Variants in ZNF804A observed in about 807,000 individuals in gnomAD.
ZNF804A encodes the protein zinc finger protein 804A.
A neutral mutation model predicts 16.5 loss-of-function variants in ZNF804A; 2 were observed. That is an observed-to-expected ratio of 0.12 (90% confidence interval 0.05 to 0.38). The LOEUF (loss-of-function observed/expected upper bound fraction) is 0.38. Ranked by LOEUF, ZNF804A falls within the 10% of genes least tolerant of loss-of-function variation. ZNF804A has a pLI of 0.99. For missense variants in ZNF804A, 1,473 were observed against 1,390.7 expected, an observed-to-expected ratio of 1.06 and a Z score of -0.94; for synonymous variants, 534 against 489.6, an observed-to-expected ratio of 1.09 and a Z score of -1.20.
chr2:184,938,770 T>G lies in ZNF804A; in HGVS notation c.3374T>G (p.Leu1125Arg). Reference protein sequence around the residue: ...AAAAAGTFKVLQPHQQFLSQI... With the variant: ...AAAAAGTFKVRQPHQQFLSQI... ...GCAGCTGCAGGAACCTTTAAAGTGC[T>G]TCAGCCACACCAACAGTTTCTTTCC... Residue 1125 changes from leucine (L) to arginine (R), a missense_variant, in exon 4 of 4, where the codon CTT becomes CGT. Physicochemically the swap from Leu to Arg is moderately radical, Grantham distance 102 (BLOSUM62 -2). Transcript: ENST00000302277. 1 of 1,613,540 alleles carries G rather than the reference T, an allele frequency of 6.2e-7. No individual in the cohort carries two copies. Among genetic ancestry groups the G allele is most frequent in the Non-Finnish European group, 8.5e-7 (1 of 1,179,808 alleles).
At chr2:184,757,953 G>T (rs948085254) in intron 1 of ZNF804A, among the ~76,000 whole-genome samples, 1 of 152,004 alleles carries the variant, frequency 6.6e-6, no homozygotes, top group Non-Finnish European at 1.5e-5. Context: ...ACCATTTGAA[G>T]ATTTCCCTTA....
At chr2:184,672,312 A>T (rs1427997366) in intron 1 of ZNF804A, among the ~76,000 whole-genome samples, 1 of 152,240 alleles carries the variant, frequency 6.6e-6, no homozygotes, top group Admixed American at 6.5e-5. Context: ...TTGGACCATG[A>T]GTCCAGAATC....
At chr2:184,801,169 A>G (rs112680769) in intron 1 of ZNF804A, among the ~76,000 whole-genome samples, 1 of 152,122 alleles carries the variant, frequency 6.6e-6, no homozygotes, top group Admixed American at 6.6e-5. Context: ...TTCTGTTGAC[A>G]ATTGTCTACA....
intron 2 of ZNF804A, among the ~76,000 whole-genome samples, chr2:184,889,221 A>T (rs565800968): frequency 1.6e-4 from 25 of 151,724 alleles, no homozygotes; most frequent in African/African-American, 6.0e-4. Context: ...AAATTTTGGG[A>T]TACTGATACT....
chr2:184,708,877 T>G (rs886106271), intron 1 of ZNF804A, among the ~76,000 whole-genome samples: 3 of 152,080 alleles, frequency 2.0e-5, no homozygotes, highest in Middle Eastern at 3.2e-3. Context: ...ACATTCAAAC[T>G]CCTTATCTTA....
intron 2 of ZNF804A, among the ~76,000 whole-genome samples, chr2:184,875,899 A>C (rs1388564859): frequency 2.6e-5 from 4 of 152,080 alleles, no homozygotes; most frequent in Non-Finnish European, 5.9e-5. Flanking sequence ...TGGGCAATTC[A>C]AAGTTATTTT....
intron 1 of ZNF804A, among the ~76,000 whole-genome samples, chr2:184,719,769 C>T (rs1693276882): frequency 6.6e-6 from 1 of 152,124 alleles, no homozygotes; most frequent in South Asian, 2.1e-4. Flanking sequence ...ATTATCAGCA[C>T]TTTGGTCAAA....
intron 1 of ZNF804A, among the ~76,000 whole-genome samples, chr2:184,651,400 G>A (rs1370935703): frequency 1.3e-5 from 2 of 151,946 alleles, no homozygotes; most frequent in African/African-American, 2.4e-5. Flanking sequence ...TTATGACTAA[G>A]TCCTCAAAAG....
Position 184,798,006 on chromosome 2 carries a change from ATGTGTGTGTGTGTGTGTGTG to A in ZNF804A, c.112-68334_112-68315del, listed in dbSNP as rs58199746. Among the ~76,000 whole-genome samples the A allele has an allele frequency of 3.7e-3, 495 of 133,334 alleles. 2 individuals are homozygous for A. Among genetic ancestry groups the A allele is most frequent in the African/African-American group, 0.011 (388 of 35,548 alleles). 87.5% of individuals were successfully genotyped at this position (133,334 alleles called of 152,430 possible). On this transcript the variant is annotated intron_variant, in intron 1 of 3. Transcript: ENST00000302277. The stretch of plus-strand genomic sequence containing the variant: ...TGTATACAAAATTCATGGCTGATAT[ATGTGTGTGTGTGTGTGTGTG>A]TGTGTGTGTGTGTGTGTGTGTGTGT...
At chr2:184,774,404 G>A (rs1386978099) in intron 1 of ZNF804A, among the ~76,000 whole-genome samples, 2 of 151,770 alleles carry the variant, frequency 1.3e-5, no homozygotes, top group East Asian at 1.9e-4. Context: ...AAGAATATAT[G>A]GTTGTGTTTT....
chr2:184,924,476 G>T (rs1685577589), intron 2 of ZNF804A, among the ~76,000 whole-genome samples: 1 of 150,634 alleles, frequency 6.6e-6, no homozygotes, highest in South Asian at 2.1e-4. Context: ...GGCCAAAATT[G>T]TCAATTTTGT....
At chr2:184,793,232 C>T (rs921655683) in intron 1 of ZNF804A, among the ~76,000 whole-genome samples, 7 of 152,080 alleles carry the variant, frequency 4.6e-5, no homozygotes, top group Admixed American at 1.3e-4. Context: ...CAGCAATGAG[C>T]ATATGAGTAC....
intron 1 of ZNF804A, among the ~76,000 whole-genome samples, chr2:184,679,081 G>T (rs1312637372): frequency 6.6e-6 from 1 of 152,300 alleles, no homozygotes; most frequent in Non-Finnish European, 1.5e-5. Flanking sequence ...GAATTCCATT[G>T]TAGAAATTTG....
chr2:184,909,125 C>A (rs1188369801), intron 2 of ZNF804A, among the ~76,000 whole-genome samples: 1 of 151,970 alleles, frequency 6.6e-6, no homozygotes, highest in Non-Finnish European at 1.5e-5. Context: ...TTTTAGAATT[C>A]ATCTCTGGAC....
At position 184,732,309 on chromosome 2, in the gene ZNF804A, T is replaced by A. The variant is rs80235969; in HGVS notation, c.111+133239T>A. Among the ~76,000 whole-genome samples, 1,130 of 152,240 alleles carry A rather than the reference T, an allele frequency of 7.4e-3. 20 individuals are homozygous for A. Among genetic ancestry groups the A allele is most frequent in the African/African-American group, 0.026 (1,073 of 41,560 alleles). ...CTAGCATACTTTGTTGAAAATACTCTTCTTTGCCATTGTATTGTCTTTTCT... is the reference window on the plus strand; with the variant it reads ...CTAGCATACTTTGTTGAAAATACTCATCTTTGCCATTGTATTGTCTTTTCT... On this transcript the variant is annotated intron_variant, in intron 1 of 3. Coordinates refer to ENST00000302277, the MANE Select transcript of ZNF804A (RefSeq NM_194250.2).
In ZNF804A at chr2:184,635,472, A is replaced by G. The variant is rs1282446063; in HGVS notation, c.111+36402A>G. On this transcript the variant is annotated intron_variant, in intron 1 of 3. Transcript: ENST00000302277. ...AGTCAGTATGGGAGATAACACAATA[A>G]TAATGAATCTTATATTTATATGGCA... is the stretch of plus-strand genomic sequence containing the variant. 3.9e-5 allele frequency among the ~76,000 whole-genome samples: 6 copies of G among 152,276 alleles called. 1 individual carries two copies. The South Asian group carries it at 1.0e-3, about 26-fold the overall frequency.
At chr2:184,666,451 C>G (rs888325373) in intron 1 of ZNF804A, among the ~76,000 whole-genome samples, 1 of 151,940 alleles carries the variant, frequency 6.6e-6, no homozygotes, top group Non-Finnish European at 1.5e-5. Flanking sequence ...TAATCAAATA[C>G]AGTAGGAATA....
chr2:184,923,814 GT>G (rs1348777209), intron 2 of ZNF804A, among the ~76,000 whole-genome samples: 1 of 151,830 alleles, frequency 6.6e-6, no homozygotes, highest in Non-Finnish European at 1.5e-5. Flanking sequence ...CAATTATATG[GT>G]TTTTGTTCTT....
At chr2:184,827,151 C>T (rs1695180162) in intron 1 of ZNF804A, among the ~76,000 whole-genome samples, 1 of 151,542 alleles carries the variant, frequency 6.6e-6, no homozygotes, top group African/African-American at 2.4e-5. Flanking sequence ...AAATGGTCAG[C>T]ATATTTAACT....
Sources: allele counts gnomAD v4.1 joint callset (sites outside exome capture counted in the v4.1 genomes callset), GRCh38; gene constraint gnomAD v4.1.1; transcripts MANE v1.5; gene names NCBI Gene and HGNC (gene_info 2026-07-23, HGNC 2026-07-21).